Variants in WRAP53 observed in about 807,000 individuals in gnomAD.
WRAP53 encodes WD repeat containing antisense to TP53, also known as telomerase Cajal body protein 1.
WRAP53 carries 28 observed loss-of-function variants against 56.6 expected under a neutral mutation model. That is an observed-to-expected ratio of 0.50 (90% CI 0.37 to 0.68). The LOEUF (loss-of-function observed/expected upper bound fraction) is 0.68. WRAP53 is among the 30% of genes least tolerant of loss of function. WRAP53 has a pLI of 0.00. For synonymous variants in WRAP53, 283 were observed against 283.4 expected, an observed-to-expected ratio of 1.00 and a Z score of 0.01; for missense variants, 671 against 715.5, an observed-to-expected ratio of 0.94 and a Z score of 0.71.
Position 7,701,911 on chromosome 17 carries a change from C to A in WRAP53, c.955+122C>A. ...GCCGTCCTCTGTACGGCCCCGGGAGCAGGTGCAGCCCAGTCGGCAGAGGAG... is the reference window on the plus strand; with the variant it reads ...GCCGTCCTCTGTACGGCCCCGGGAGAAGGTGCAGCCCAGTCGGCAGAGGAG... On this transcript the variant is annotated intron_variant, in intron 7 of 10. Coordinates refer to ENST00000396463, the MANE Select transcript of WRAP53 (RefSeq NM_001143992.2). This position sits in a 1 kb window ranked among gnomAD's most constrained non-coding sequence, Gnocchi z 4.2. The A allele has an allele frequency of 6.7e-7, 1 of 1,487,466 alleles. No homozygotes were observed. The highest frequency in any genetic ancestry group is 9.1e-7 in the Non-Finnish European group (1 of 1,100,518). The allele number at this position is 1,487,466 out of a possible 1,614,324, so 92.1% of individuals were successfully genotyped here.
chr17:7,691,533 G>A (rs1395131627), intron 4 of WRAP53, among the ~76,000 whole-genome samples: 1 of 151,284 alleles, frequency 6.6e-6, no homozygotes, highest in African/African-American at 2.4e-5. Context: ...GGGATTACAG[G>A]CACCCGCCAC....
At chr17:7,700,246 A>G (rs2151095217) in intron 4 of WRAP53, among the ~76,000 whole-genome samples, 1 of 152,034 alleles carries the variant, frequency 6.6e-6, no homozygotes, top group African/African-American at 2.4e-5. Context: ...TAAAGGATCA[A>G]ATGGCACCTA....
intron 4 of WRAP53, among the ~76,000 whole-genome samples, chr17:7,695,320 C>G (rs1362714166): frequency 6.6e-6 from 1 of 152,098 alleles, no homozygotes; most frequent in East Asian, 1.9e-4. Context: ...TTTCCATATA[C>G]TTGTGTGTAC....
At chr17:7,697,293 C>G (rs1310650714) in intron 4 of WRAP53, among the ~76,000 whole-genome samples, 1 of 149,876 alleles carries the variant, frequency 6.7e-6, no homozygotes, top group African/African-American at 2.5e-5. Context: ...TGCACTCCAG[C>G]CTGGGGACAG....
At chr17:7,694,827 C>T (rs933727672) in intron 4 of WRAP53, among the ~76,000 whole-genome samples, 1 of 147,594 alleles carries the variant, frequency 6.8e-6, no homozygotes, top group Non-Finnish European at 1.5e-5. Context: ...GACTCTGTCT[C>T]AAAACAAACA....
In WRAP53 at chr17:7,689,249, C is replaced by G. The variant is rs571153185; in HGVS notation, c.457C>G (p.Leu153Val). ...CGCTTGGAACTACAGCTTCTCCCAG[C>G]TGCCTCGATTTCTCAGTGGTTCCTG... is the stretch of plus-strand genomic sequence containing the variant. Reference protein sequence around the residue: ...DTAWNYSFSQLPRFLSGSWSE... With the variant: ...DTAWNYSFSQVPRFLSGSWSE... The change falls in exon 3 of 11, where the codon CTG (leucine) becomes GTG (valine). Residue 153 changes from leucine to valine, a missense_variant. Physicochemically the swap from Leu to Val is conservative, Grantham distance 32. Coordinates refer to ENST00000396463, the MANE Select transcript of WRAP53 (RefSeq NM_001143992.2). 1.2e-4 allele frequency: 189 copies of G among 1,613,980 alleles called. No individual in the cohort carries two copies. The highest frequency in any genetic ancestry group is 1.6e-4 in the Non-Finnish European group (185 of 1,180,042).
intron 4 of WRAP53, among the ~76,000 whole-genome samples, chr17:7,696,498 C>T (rs1187430743): frequency 1.3e-5 from 2 of 152,160 alleles, no homozygotes; most frequent in East Asian, 3.9e-4. Context: ...CGGGGTTTCA[C>T]CACGTTAGCC....
chr17:7,688,744 G>T lies in WRAP53; in HGVS notation c.96G>T (p.Met32Ile). 2 of 1,614,144 alleles carry T rather than the reference G, an allele frequency of 1.2e-6. No homozygotes were observed. The highest frequency in any genetic ancestry group is 1.1e-5 in the South Asian group (1 of 91,086). The change falls in exon 2 of 11, where the codon ATG (methionine) becomes ATT (isoleucine). Residue 32 changes from methionine (M) to isoleucine (I), a missense_variant. Met to Ile is a conservative substitution (Grantham distance 10, BLOSUM62 1). Transcript: ENST00000396463. ...PAHPSPHASP[M>I]NKNADSELMP... ...ATCCTTCTCCCCACGCTTCCCCGATGAATAAAAATGCGGACTCTGAACTGA... is the reference window on the plus strand; with the variant it reads ...ATCCTTCTCCCCACGCTTCCCCGATTAATAAAAATGCGGACTCTGAACTGA...
At chr17:7,699,486 A>ATT (rs2074237488) in intron 4 of WRAP53, among the ~76,000 whole-genome samples, 9 of 14,430 alleles carry the variant, frequency 6.2e-4, no homozygotes, top group South Asian at 4.1e-3. Flanking sequence ...TTATATATAT[A>ATT]TATATATATA....
At position 7,702,123 on chromosome 17, in the gene WRAP53, A is replaced by G. The variant is rs1597421773; in HGVS notation, c.956-221A>G. The G allele has an allele frequency of 1.0e-5, 7 of 694,168 alleles. No individual in the cohort carries two copies. In the East Asian group the frequency reaches 1.9e-4, roughly 19 times the overall value. The allele number at this position is 694,168 out of a possible 1,614,324, so 43.0% of individuals were successfully genotyped here. A position where few individuals can be genotyped will look rare whatever the true frequency, so the allele number is the denominator to read the frequency against. ...TCAACTTGCATCTCTCCAAGGAAGA[A>G]CTGGGATTTGAGAGGGATGAAGTGG... On this transcript the variant is annotated intron_variant, in intron 7 of 10. Coordinates refer to ENST00000396463, the MANE Select transcript of WRAP53 (RefSeq NM_001143992.2). This position sits in a 1 kb window ranked among gnomAD's most constrained non-coding sequence, Gnocchi z 5.0.
intron 3 of WRAP53, 72 bp downstream of exon 3, chr17:7,689,394 G>A: frequency 6.6e-7 from 1 of 1,506,618 alleles, no homozygotes; most frequent in Non-Finnish European, 9.2e-7. Context: ...AGTTTTCTAG[G>A]AGAGGGATGC....
At chr17:7,699,526 A>ATATT (rs1555530519) in intron 4 of WRAP53, among the ~76,000 whole-genome samples, 7 of 61,966 alleles carry the variant, frequency 1.1e-4, no homozygotes, top group Non-Finnish European at 1.5e-4. Flanking sequence ...ATATATTTAT[A>ATATT]TATATATATA....
chr17:7,702,188 G>C lies in WRAP53; in HGVS notation c.956-156G>C. 3 of 794,654 alleles carry C rather than the reference G, an allele frequency of 3.8e-6. No homozygotes were observed. The highest frequency in any genetic ancestry group is 6.3e-6 in the Non-Finnish European group (3 of 475,962). 49.2% of individuals were successfully genotyped at this position (794,654 alleles called of 1,614,324 possible). A position where few individuals can be genotyped will look rare whatever the true frequency, so the allele number is the denominator to read the frequency against. The stretch of plus-strand genomic sequence containing the variant: ...GGTCCTTTGGGAGGATAGATGTGGG[G>C]AGCATCAGAGGTCTTTGTCCTGCTT... On this transcript the variant is annotated intron_variant, in intron 7 of 10. Coordinates refer to ENST00000396463, the MANE Select transcript of WRAP53 (RefSeq NM_001143992.2). This position sits in a 1 kb window ranked among gnomAD's most constrained non-coding sequence, Gnocchi z 5.0.
intron 4 of WRAP53, among the ~76,000 whole-genome samples, chr17:7,692,661 C>A (rs1454397470): frequency 6.7e-6 from 1 of 149,308 alleles, no homozygotes; most frequent in African/African-American, 2.4e-5. Flanking sequence ...ATAGTTTTCT[C>A]CCACCCATCC....
intron 4 of WRAP53, among the ~76,000 whole-genome samples, chr17:7,698,838 T>C (rs763768243): frequency 2.0e-5 from 3 of 152,006 alleles, no homozygotes; most frequent in Non-Finnish European, 4.4e-5. Context: ...ATTGTGCCAC[T>C]GCATTCCAGC....
Position 7,702,622 on chromosome 17 carries a change from G to A in WRAP53, c.1164+70G>A. The A allele has an allele frequency of 6.3e-7, 1 of 1,595,544 alleles. No individual in the cohort carries two copies. The highest frequency in any genetic ancestry group is 2.2e-5 in the East Asian group (1 of 44,662). Reference sequence around the variant, plus strand: ...CAGGAGCAGGGATGTAGTCTGCAGTGTAGGGGAATGGGTGGGGATGGGGAA... The same window carrying A: ...CAGGAGCAGGGATGTAGTCTGCAGTATAGGGGAATGGGTGGGGATGGGGAA... On this transcript the variant is annotated intron_variant, in intron 8 of 10. Coordinates refer to ENST00000396463, the MANE Select transcript of WRAP53 (RefSeq NM_001143992.2). The surrounding 1 kb of genome is among the most constrained non-coding windows in gnomAD (Gnocchi z 5.0).
rs761696793 is a variant in WRAP53, at chr17:7,688,732, C to T, written c.84C>T (p.His28=). 1.2e-6 allele frequency: 2 copies of T among 1,614,202 alleles called. No homozygotes were observed. Among genetic ancestry groups the T allele is most frequent in the Non-Finnish European group, 8.5e-7 (1 of 1,180,034 alleles). Residue 28 remains histidine (H), a synonymous_variant, in exon 2 of 11, where the codon CAC becomes CAT. Coordinates refer to ENST00000396463, the MANE Select transcript of WRAP53 (RefSeq NM_001143992.2). ...CAGCTCCAGCCCATCCTTCTCCCCA[C>T]GCTTCCCCGATGAATAAAAATGCGG... The part of the protein sequence containing the change: ...QDPAPAHPSP[H]ASPMNKNADS...
Position 7,702,573 on chromosome 17 carries a change from G to A in WRAP53, c.1164+21G>A, listed in dbSNP as rs866853173. 2 of 1,602,906 alleles carry A rather than the reference G, an allele frequency of 1.2e-6. No individual in the cohort carries two copies. The highest frequency in any genetic ancestry group is 3.4e-4 in the Middle Eastern group (2 of 5,898). ...GCAAGGTAGGGGTCACACCCTGAGA[G>A]CCCAAAGCAGCTGGGCAGCGGGGCA... On this transcript the variant is annotated intron_variant, in intron 8 of 10. Transcript: ENST00000396463. The surrounding 1 kb of genome is among the most constrained non-coding windows in gnomAD (Gnocchi z 5.0).
chr17:7,699,518 ATATTTATATATATATATATAT>A (rs2074244582), intron 4 of WRAP53, among the ~76,000 whole-genome samples: 2 of 28,860 alleles, frequency 6.9e-5, no homozygotes, highest in Non-Finnish European at 5.6e-5. Context: ...ATATATATAT[ATATTTATATATATATATATAT>A]TCCTAAGGAA....
Sources: allele counts gnomAD v4.1 joint callset (sites outside exome capture counted in the v4.1 genomes callset), GRCh38; gene constraint gnomAD v4.1.1; non-coding constraint Gnocchi (gnomAD v3.1); transcripts MANE v1.5; gene names NCBI Gene and HGNC (gene_info 2026-07-23, HGNC 2026-07-21).